Variants in DOT1L observed in about 807,000 individuals in gnomAD.
The protein encoded by DOT1L is DOT1 like histone lysine methyltransferase, also known as histone-lysine N-methyltransferase, H3 lysine-79 specific.
In DOT1L, 33 loss-of-function variants were observed where a neutral mutation model predicts 153.3. The ratio of observed to expected loss-of-function variants is 0.22; its 90% confidence interval spans 0.16 to 0.29. The LOEUF (loss-of-function observed/expected upper bound fraction) is 0.29. Ranked by LOEUF, DOT1L falls within the 10% of genes least tolerant of loss-of-function variation. The probability of loss-of-function intolerance (pLI) is 1.00; values close to 1 mark genes in which losing one functional copy is unlikely to be tolerated. For missense variants in DOT1L, 1,847 were observed against 2,119.9 expected (o/e 0.87, Z 2.53); for synonymous variants, 1,135 against 965.1 (o/e 1.18, Z -3.26).
chr19:2,169,842 A>C (rs2020060006), intron 1 of DOT1L, among the ~76,000 whole-genome samples: 1 of 152,140 alleles, frequency 6.6e-6, no homozygotes, highest in South Asian at 2.1e-4. Flanking sequence ...ATTATCTTAA[A>C]ATAAAAAGTT....
chr19:2,175,446 A>G (rs1227268890), intron 1 of DOT1L, among the ~76,000 whole-genome samples: 1 of 152,242 alleles, frequency 6.6e-6, no homozygotes, highest in Non-Finnish European at 1.5e-5. Flanking sequence ...GACCCCAGGC[A>G]TGGGCCACTG....
chr19:2,168,279 G>A (rs1019209432), intron 1 of DOT1L, among the ~76,000 whole-genome samples: 4 of 152,148 alleles, frequency 2.6e-5, no homozygotes, highest in Admixed American at 2.0e-4. Context: ...ACAAGCCAGG[G>A]CAACATAGGG....
chr19:2,186,236 G>A (rs764608377), intron 3 of DOT1L, among the ~76,000 whole-genome samples: 20 of 152,262 alleles, frequency 1.3e-4, no homozygotes, highest in Admixed American at 2.0e-4. Flanking sequence ...CCAGAAGTCC[G>A]CGTTCCTGCC....
At chr19:2,216,195 C>T (rs1240843324) in intron 19 of DOT1L, 86 bp from the exon 20 acceptor site, 2 of 1,491,390 alleles carry the variant, frequency 1.3e-6, no homozygotes, top group East Asian at 2.3e-5. Flanking sequence ...TCCTGGCCAC[C>T]CCTCCGGGTG....
At chr19:2,206,830 C>A (rs1456313139) in intron 10 of DOT1L, 33 bp downstream of exon 10, 1 of 1,596,280 alleles carries the variant, frequency 6.3e-7, no homozygotes, top group Non-Finnish European at 8.6e-7. Flanking sequence ...ATGATGAACA[C>A]GGGTAATTTT....
intron 24 of DOT1L, 99 bp from the exon 25 acceptor site, chr19:2,223,182 C>T: frequency 1.2e-5 from 16 of 1,349,740 alleles, no homozygotes; most frequent in Non-Finnish European, 1.7e-5. Context: ...CTCAGGAGAC[C>T]CTGGGGTGCA....
intron 1 of DOT1L, 65 bp from the exon 2 acceptor site, chr19:2,180,648 A>C (rs2022188423): frequency 1.1e-5 from 17 of 1,592,508 alleles, no homozygotes; most frequent in Non-Finnish European, 1.4e-5. Context: ...CTTGTCCGGG[A>C]AGAGAGCGAT....
intron 14 of DOT1L, 81 bp downstream of exon 14, chr19:2,210,936 T>C: frequency 6.5e-7 from 1 of 1,529,566 alleles, no homozygotes; most frequent in Non-Finnish European, 8.9e-7. Context: ...GCTGCCCTCC[T>C]GAGCCCCGTG....
At chr19:2,206,846 T>C (rs1319170311) in intron 10 of DOT1L, 49 bp downstream of exon 10, 3 of 1,561,634 alleles carry the variant, frequency 1.9e-6, no homozygotes, top group Non-Finnish European at 2.6e-6. Context: ...ATTTTAACCA[T>C]CTGACACGCA....
chr19:2,191,353 A>G lies in DOT1L; in HGVS notation c.493+113A>G, dbSNP rs2022785176. 1.8e-6 allele frequency: 2 copies of G among 1,107,240 alleles called. No individual in the cohort carries two copies. Among genetic ancestry groups the G allele is most frequent in the South Asian group, 1.4e-5 (1 of 72,560 alleles). The allele number at this position is 1,107,240 out of a possible 1,614,324, so 68.6% of individuals were successfully genotyped here. A position where few individuals can be genotyped will look rare whatever the true frequency, so the allele number is the denominator to read the frequency against. On this transcript the variant is annotated intron_variant, in intron 5 of 27. Coordinates refer to ENST00000398665, the MANE Select transcript of DOT1L (RefSeq NM_032482.3). The surrounding 1 kb of genome is among the most constrained non-coding windows in gnomAD (Gnocchi z 6.8). ...TCAGGGACTTGCGACGTTGGCGTGG[A>G]CAGTGCTTCCTTCTCCCAGCGCCTC...
chr19:2,172,968 C>A (rs1242721087), intron 1 of DOT1L, among the ~76,000 whole-genome samples: 1 of 148,420 alleles, frequency 6.7e-6, no homozygotes, highest in African/African-American at 2.5e-5. Flanking sequence ...CTGCGCGAGA[C>A]TCCATCTCAA....
rs2144620712 is a variant in DOT1L at position 2,164,277 on chromosome 19, C to T, written c.81+12C>T. ...CGCTGCCGGTCTACGTGAGTGCCGCCCTCCACCGTCCCTACCTCCCGGCCT... is the reference window on the plus strand; with the variant it reads ...CGCTGCCGGTCTACGTGAGTGCCGCTCTCCACCGTCCCTACCTCCCGGCCT... On this transcript the variant is annotated intron_variant, in intron 1 of 27. Coordinates refer to ENST00000398665, the MANE Select transcript of DOT1L (RefSeq NM_032482.3). The T allele has an allele frequency of 5.6e-6, 7 of 1,258,898 alleles. No individual in the cohort carries two copies. The highest frequency in any genetic ancestry group is 3.1e-5 in the East Asian group (1 of 32,402). The allele number at this position is 1,258,898 out of a possible 1,614,324, so 78.0% of individuals were successfully genotyped here.
chr19:2,228,969 T>C, intron 27 of DOT1L: 1 of 985,128 alleles, frequency 1.0e-6, no homozygotes, highest in African/African-American at 1.7e-5. Flanking sequence ...CCCGGCGGGG[T>C]CGAGAGGCAA....
In DOT1L at chr19:2,190,086, C is replaced by T. The variant is rs968614827; in HGVS notation, c.264+291C>T. Among the ~76,000 whole-genome samples, 1 of 152,132 alleles carries T rather than the reference C, an allele frequency of 6.6e-6. No individual in the cohort carries two copies. The highest frequency in any genetic ancestry group is 1.9e-4 in the East Asian group (1 of 5,194). The stretch of plus-strand genomic sequence containing the variant: ...GCCTCTGCAGCCCTGGGTTGGTGTC[C>T]GCAGGTCCCAGCAGAGGCGGGGTCC... On this transcript the variant is annotated intron_variant, in intron 4 of 27. Transcript: ENST00000398665. The surrounding 1 kb of genome is among the most constrained non-coding windows in gnomAD (Gnocchi z 4.8).
At chr19:2,189,530 C>T (rs761457034) in intron 3 of DOT1L, among the ~76,000 whole-genome samples, 1 of 152,230 alleles carries the variant, frequency 6.6e-6, no homozygotes, top group Non-Finnish European at 1.5e-5. Context: ...CTCGGCCGGC[C>T]ACCTCGCTTG....
intron 26 of DOT1L, 152 bp downstream of exon 26, chr19:2,225,604 G>A (rs1353572071): frequency 2.5e-5 from 22 of 887,426 alleles, no homozygotes; most frequent in South Asian, 1.2e-4. Context: ...GGCCTGCTGC[G>A]TCGTGTCCTG....
chr19:2,226,552 C>A lies in DOT1L; in HGVS notation c.4031C>A (p.Ala1344Glu). 6.2e-7 allele frequency: 1 copy of A among 1,600,430 alleles called. No homozygotes were observed. The highest frequency in any genetic ancestry group is 1.1e-5 in the South Asian group (1 of 90,736). The part of the protein sequence containing the change: ...GASLPHKGPE[A>E]AGLSSPLSFP... ...TCTCTTCCCCACAAGGGCCCCGAGGCGGCCGGCCTGAGCTCCCCGCTGAGC... is the reference window on the plus strand; with the variant it reads ...TCTCTTCCCCACAAGGGCCCCGAGGAGGCCGGCCTGAGCTCCCCGCTGAGC... Residue 1344 changes from alanine (A) to glutamate (E), a missense_variant, in exon 27 of 28, where the codon GCG (alanine) becomes GAG (glutamate). Ala to Glu is a moderately radical substitution (Grantham distance 107). This residue lies in a region of DOT1L where 934 missense variants were observed against 825.3 expected (regional missense o/e 1.13). Coordinates refer to ENST00000398665, the MANE Select transcript of DOT1L (RefSeq NM_032482.3).
chr19:2,185,437 G>A (rs1411411167), intron 2 of DOT1L, among the ~76,000 whole-genome samples: 2 of 152,194 alleles, frequency 1.3e-5, no homozygotes, highest in African/African-American at 4.8e-5. Context: ...GGAGGGGTAA[G>A]GATGTTTGTT....
rs556743669 is a variant in DOT1L at position 2,199,737 on chromosome 19, G to A, written c.652-147G>A. ...GGACCCTTCTGCCTGCAGCTCCCAG[G>A]GCTGCAGCCGGTGGGGCCTGGGCCT... is the stretch of plus-strand genomic sequence containing the variant. On this transcript the variant is annotated intron_variant, in intron 7 of 27. Transcript: ENST00000398665. 363 of 1,060,872 alleles carry A rather than the reference G, an allele frequency of 3.4e-4. 1 individual carries two copies. The highest frequency in any genetic ancestry group is 2.0e-3 in the Middle Eastern group (7 of 3,432). The allele number at this position is 1,060,872 out of a possible 1,614,324, so 65.7% of individuals were successfully genotyped here. A position where few individuals can be genotyped will look rare whatever the true frequency, so the allele number is the denominator to read the frequency against.
Sources: gnomAD v4.1 joint callset for allele counts (sites outside exome capture counted in the v4.1 genomes callset) on GRCh38, gnomAD v4.1.1 for gene constraint, gnomAD v4.1.1 regional missense constraint, Gnocchi (gnomAD v3.1) non-coding constraint, MANE v1.5 for transcripts, NCBI Gene and HGNC (gene_info 2026-07-23, HGNC 2026-07-21) for gene names.